The following ATP5PF variants were observed in gnomAD, a reference collection of about 807,000 sequenced individuals.
ATP5PF encodes the protein ATP synthase peripheral stalk subunit F6, mitochondrial.
In ATP5PF, 7 loss-of-function variants were observed where a neutral mutation model predicts 12.0. That is an observed-to-expected ratio of 0.58 (90% CI 0.33 to 1.10). The LOEUF is 1.10. Among genes scored for constraint, ATP5PF ranks in the 50% least tolerant of loss-of-function variants. The pLI is 0.03. For missense variants in ATP5PF, 120 were observed against 127.7 expected (o/e 0.94, Z 0.29); for synonymous variants, 41 against 45.4 (o/e 0.90, Z 0.39).
At chr21:25,732,563 T>C (rs1412983295) in intron 1 of ATP5PF, among the ~76,000 whole-genome samples, 1 of 151,386 alleles carries the variant, frequency 6.6e-6, no homozygotes, top group Non-Finnish European at 1.5e-5. Flanking sequence ...GGAGGATCAC[T>C]TGAGCTTGGG....
At chr21:25,733,311 C>T (rs370338143) in intron 1 of ATP5PF, among the ~76,000 whole-genome samples, 13 of 152,036 alleles carry the variant, frequency 8.6e-5, no homozygotes, top group Admixed American at 7.2e-4. Flanking sequence ...GGGCAGATCA[C>T]GAGGTCAGGA....
In ATP5PF at chr21:25,729,712, G is replaced by C. The variant is rs758417035; in HGVS notation, c.83C>G (p.Thr28Arg). The C allele has an allele frequency of 1.2e-6, 2 of 1,613,866 alleles. No individual in the cohort carries two copies. The highest frequency in any genetic ancestry group is 1.7e-6 in the Non-Finnish European group (2 of 1,179,974). Residue 28 changes from threonine to arginine, a missense_variant, in exon 2 of 4, where the codon ACA becomes AGA. Transcript: ENST00000284971. Reference protein sequence around the residue: ...SVHLRRNIGVTAVAFNKELDP... With the variant: ...SVHLRRNIGVRAVAFNKELDP... ...AAGTTCCTTATTAAATGCCACTGCT[G>C]TAACACCAATGTTCCTCCGCAAATG...
chr21:25,734,962 C>T (rs2034971267), upstream of ATP5PF: 7 of 1,571,314 alleles, frequency 4.5e-6, no homozygotes, highest in South Asian at 5.8e-5. Flanking sequence ...GCATTATGGG[C>T]CGCCGTTTCA....
chr21:25,725,042 T>C (rs1292519909), intron 3 of ATP5PF, 184 bp downstream of exon 3: 5 of 739,320 alleles, frequency 6.8e-6, no homozygotes, highest in African/African-American at 3.6e-5. Flanking sequence ...CACTATGTTA[T>C]GTGATCTCCT....
intron 1 of ATP5PF, chr21:25,734,386 T>C (rs2034924844): frequency 5.0e-6 from 5 of 991,662 alleles, no homozygotes; most frequent in Admixed American, 5.8e-5. Context: ...CTATGAACAA[T>C]CCATAAAGTC....
chr21:25,734,541 A>T (rs1000273514), intron 1 of ATP5PF: 4 of 480,710 alleles, frequency 8.3e-6, no homozygotes, highest in Non-Finnish European at 1.2e-5. Flanking sequence ...CCTGGCCGAA[A>T]ATCTCTCCCG....
intron 2 of ATP5PF, among the ~76,000 whole-genome samples, chr21:25,727,485 T>C (rs1045022225): frequency 3.3e-5 from 5 of 152,210 alleles, no homozygotes; most frequent in Admixed American, 2.6e-4. Context: ...AGTACTACCA[T>C]CATCCTCCTT....
chr21:25,733,973 A>T (rs2123462532), intron 1 of ATP5PF, among the ~76,000 whole-genome samples: 1 of 152,282 alleles, frequency 6.6e-6, no homozygotes, highest in African/African-American at 2.4e-5. Context: ...TGAGCCCCAA[A>T]TCTATCCACA....
intron 1 of ATP5PF, among the ~76,000 whole-genome samples, chr21:25,730,985 G>GCACC (rs1201840041): frequency 5.3e-5 from 8 of 151,940 alleles, no homozygotes; most frequent in African/African-American, 1.9e-4. Context: ...TGGCTCATGT[G>GCACC]TGTAATCCCA....
chr21:25,734,646 G>T, intron 1 of ATP5PF: 1 of 496,456 alleles, frequency 2.0e-6, no homozygotes, highest in Non-Finnish European at 3.3e-6. Context: ...CTCAGAGAGG[G>T]TATCGATCTT....
At chr21:25,725,488 G>A (rs1310781382) in intron 2 of ATP5PF, 138 bp from the exon 3 acceptor site, 3 of 971,912 alleles carry the variant, frequency 3.1e-6, no homozygotes, top group African/African-American at 3.4e-5. Context: ...TCGCCAGGCT[G>A]GAGTGCGGTA....
chr21:25,729,553 C>G, intron 2 of ATP5PF, 78 bp downstream of exon 2: 1 of 1,342,872 alleles, frequency 7.4e-7, no homozygotes, highest in South Asian at 1.5e-5. Flanking sequence ...TTTCAAATAC[C>G]AAGTCATTTT....
intron 1 of ATP5PF, among the ~76,000 whole-genome samples, chr21:25,731,746 T>C (rs2034784916): frequency 6.6e-6 from 1 of 152,144 alleles, no homozygotes; most frequent in Non-Finnish European, 1.5e-5. Context: ...CTAGTGGAAG[T>C]ATACAAACTA....
chr21:25,725,316 A>G lies in ATP5PF; in HGVS notation c.199T>C (p.Tyr67His). The change falls in exon 3 of 4, where the codon TAT becomes CAT. Residue 67 changes from tyrosine (Y) to histidine (H), a missense_variant. Coordinates refer to ENST00000284971, the MANE Select transcript of ATP5PF (RefSeq NM_001003703.2). Reference sequence around the variant, plus strand: ...AGCTCCCTCTCCAGCTCTTGCTGATACTCTGAACTAGCATCAACAGGTCCT... The same window carrying G: ...AGCTCCCTCTCCAGCTCTTGCTGATGCTCTGAACTAGCATCAACAGGTCCT... The part of the protein sequence containing the change: ...SGGPVDASSE[Y>H]QQELERELFK... 1.2e-6 allele frequency: 2 copies of G among 1,612,002 alleles called. No homozygotes were observed. Among genetic ancestry groups the G allele is most frequent in the Non-Finnish European group, 1.7e-6 (2 of 1,179,774 alleles).
At position 25,724,658 on chromosome 21, in the gene ATP5PF, G is replaced by C; in HGVS notation, c.309C>G (p.Ile103Met). Residue 103 changes from isoleucine to methionine, a missense_variant, in exon 4 of 4, where the codon ATC becomes ATG. Transcript: ENST00000284971. ...FKFEDPKFEV[I>M]EKPQA ...TATTTCTTCAGGCCTGGGGTTTTTC[G>C]ATGACTTCAAATTTGGGATCTAAGA... is the stretch of plus-strand genomic sequence containing the variant. The C allele has an allele frequency of 6.3e-7, 1 of 1,594,696 alleles. No homozygotes were observed. The highest frequency in any genetic ancestry group is 8.5e-7 in the Non-Finnish European group (1 of 1,174,936).
chr21:25,735,354 C>G (rs147440551), upstream of ATP5PF: 2 of 225,158 alleles, frequency 8.9e-6, no homozygotes, highest in African/African-American at 4.5e-5. Context: ...GTTTTGCGCA[C>G]CCTGCCGGGA....
At chr21:25,735,457 A>C (rs140704996), upstream of ATP5PF, 3,760 of 159,192 alleles carry the variant, frequency 0.024, 155 homozygotes, top group African/African-American at 0.086. Context: ...GGGACCTCAC[A>C]CTTCTAGTCG....
At chr21:25,727,779 A>G (rs1304963621) in intron 2 of ATP5PF, among the ~76,000 whole-genome samples, 2 of 152,230 alleles carry the variant, frequency 1.3e-5, no homozygotes, top group Non-Finnish European at 2.9e-5. Flanking sequence ...AAATTCCCTG[A>G]CGAGTCCTGC....
chr21:25,729,984 A>G (rs375055642), intron 1 of ATP5PF, among the ~76,000 whole-genome samples, 183 bp from the exon 2 acceptor site: 1 of 152,324 alleles, frequency 6.6e-6, no homozygotes, highest in African/African-American at 2.4e-5. Context: ...GGTCTTAACC[A>G]AAAGGCTCTG....
Sources: allele counts gnomAD v4.1 joint callset (sites outside exome capture counted in the v4.1 genomes callset), GRCh38; gene constraint gnomAD v4.1.1; transcripts MANE v1.5; gene names NCBI Gene and HGNC (gene_info 2026-07-23, HGNC 2026-07-21).